The following ASIP variants were observed in gnomAD, a reference collection of about 807,000 sequenced individuals.
ASIP encodes agouti-signaling protein.
A neutral mutation model predicts 10.3 loss-of-function variants in ASIP; 11 were observed. That is an observed-to-expected ratio of 1.07 (90% CI 0.68 to 1.78). The LOEUF is 1.78. Among genes scored for constraint, ASIP ranks in the 40% most tolerant of loss-of-function variants. The pLI, the probability that ASIP is intolerant of heterozygous loss-of-function variation, is 0.00. For synonymous variants in ASIP, 70 were observed against 70.8 expected, an observed-to-expected ratio of 0.99 and a Z score of 0.06; for missense variants, 180 against 169.2, an observed-to-expected ratio of 1.06 and a Z score of -0.35.
chr20:34,203,714 T>A (rs6088425), intron 1 of ASIP, among the ~76,000 whole-genome samples: 15,923 of 152,132 alleles, frequency 0.1, 900 homozygotes, highest in South Asian at 0.18. Flanking sequence ...TGGCGTATTT[T>A]AATTTTATTT....
upstream of ASIP, among the ~76,000 whole-genome samples, chr20:34,191,526 A>G (rs1022490472): frequency 2.0e-5 from 3 of 152,156 alleles, no homozygotes; most frequent in Non-Finnish European, 4.4e-5. Flanking sequence ...CCTCAGCACC[A>G]TGCCTCAAAG....
At chr20:34,245,759 C>T (rs1227998436) in intron 1 of ASIP, among the ~76,000 whole-genome samples, 6 of 151,778 alleles carry the variant, frequency 4.0e-5, no homozygotes, top group Admixed American at 3.9e-4. Context: ...GTTTATTTGA[C>T]TTTGGCAATT....
At chr20:34,260,266 G>C in intron 1 of ASIP, 99 bp from the exon 2 acceptor site, 1 of 1,257,354 alleles carries the variant, frequency 8.0e-7, no homozygotes. Flanking sequence ...TTGCCTAACA[G>C]GGTCACAACA....
chr20:34,252,519 G>A (rs929849181), intron 1 of ASIP, among the ~76,000 whole-genome samples: 1 of 152,140 alleles, frequency 6.6e-6, no homozygotes, highest in Non-Finnish European at 1.5e-5. Flanking sequence ...CTCCCCTCTA[G>A]CCACAGGGCG....
chr20:34,219,432 T>C (rs139696354), intron 1 of ASIP, among the ~76,000 whole-genome samples: 1 of 152,346 alleles, frequency 6.6e-6, no homozygotes, highest in East Asian at 1.9e-4. Context: ...CAGGAGCTAG[T>C]GTATTTGCAA....
intron 1 of ASIP, among the ~76,000 whole-genome samples, chr20:34,249,000 A>G (rs1199298656): frequency 2.0e-5 from 3 of 151,580 alleles, no homozygotes; most frequent in Admixed American, 6.6e-5. Context: ...GTGGTGGCAC[A>G]TGCCTGTAGT....
chr20:34,216,854 A>AT (rs1038705376), intron 1 of ASIP, among the ~76,000 whole-genome samples: 7 of 152,164 alleles, frequency 4.6e-5, no homozygotes, highest in African/African-American at 1.4e-4. Context: ...TTTTTTCAAT[A>AT]TTGTTTTGAT....
intron 1 of ASIP, chr20:34,214,076 C>T (rs2034991996): frequency 8.1e-7 from 1 of 1,240,450 alleles, no homozygotes; most frequent in East Asian, 2.3e-5. Context: ...CCAACTGTCT[C>T]ATAAATAAAA....
intron 1 of ASIP, among the ~76,000 whole-genome samples, chr20:34,248,781 C>T (rs2035422994): frequency 6.6e-6 from 1 of 151,942 alleles, no homozygotes; most frequent in Admixed American, 6.6e-5. Flanking sequence ...GCCTGGGTGA[C>T]AGAGCAAGGC....
At chr20:34,212,428 C>T (rs2034980454) in intron 1 of ASIP, among the ~76,000 whole-genome samples, 1 of 152,000 alleles carries the variant, frequency 6.6e-6, no homozygotes. Context: ...TACATTATGA[C>T]CCTTTTCTAC....
At chr20:34,250,770 C>T (rs1170826097) in intron 1 of ASIP, among the ~76,000 whole-genome samples, 1 of 152,170 alleles carries the variant, frequency 6.6e-6, no homozygotes, top group Admixed American at 6.5e-5. Context: ...TCTCTCACTA[C>T]ACCTCTGTCT....
chr20:34,201,449 G>A (rs953524536), intron 1 of ASIP, among the ~76,000 whole-genome samples: 11 of 152,032 alleles, frequency 7.2e-5, no homozygotes, highest in African/African-American at 2.7e-4. Flanking sequence ...GTTTTTTTGT[G>A]ACTTATCTCA....
chr20:34,198,119 G>A (rs1429911457), intron 1 of ASIP, among the ~76,000 whole-genome samples: 8 of 148,502 alleles, frequency 5.4e-5, no homozygotes, highest in Non-Finnish European at 1.0e-4. Flanking sequence ...GTGCAGTGGC[G>A]TGATCTCAAC....
At chr20:34,223,922 C>CA (rs2035074543) in intron 1 of ASIP, among the ~76,000 whole-genome samples, 2 of 102,200 alleles carry the variant, frequency 2.0e-5, no homozygotes, top group Non-Finnish European at 4.0e-5. Flanking sequence ...ACCTTACCCC[C>CA]AACCCTGTGC....
chr20:34,244,539 C>T (rs1601593471), intron 1 of ASIP, among the ~76,000 whole-genome samples: 1 of 152,104 alleles, frequency 6.6e-6, no homozygotes, highest in Non-Finnish European at 1.5e-5. Context: ...TAAACATATG[C>T]GTAATATTCT....
At chr20:34,195,868 G>A (rs2034852134) in intron 1 of ASIP, among the ~76,000 whole-genome samples, 1 of 151,850 alleles carries the variant, frequency 6.6e-6, no homozygotes, top group East Asian at 1.9e-4. Context: ...CTATTTTACT[G>A]TCCAGCGCAG....
chr20:34,235,840 AGAAGGAAGGAAGGAAGGAAGGAAGGAAAG>A (rs2035182238), intron 1 of ASIP, among the ~76,000 whole-genome samples: 1 of 53,754 alleles, frequency 1.9e-5, no homozygotes, highest in African/African-American at 1.9e-4. Flanking sequence ...AAAGAAAGAA[AGAAGGAAGGAAGGAAGGAAGGAAGGAAAG>A]GAAGGAAGGA....
At chr20:34,248,479 T>A (rs926180234) in intron 1 of ASIP, among the ~76,000 whole-genome samples, 2 of 152,176 alleles carry the variant, frequency 1.3e-5, no homozygotes, top group Non-Finnish European at 1.5e-5. Context: ...GAGGTCAGAT[T>A]TATTCTCAGA....
intron 1 of ASIP, among the ~76,000 whole-genome samples, chr20:34,256,458 AC>A (rs971103398): frequency 6.6e-6 from 1 of 151,988 alleles, no homozygotes; most frequent in African/African-American, 2.4e-5. Context: ...ACCCGATAAC[AC>A]CCGGCTAATT....
Sources: gnomAD v4.1 joint callset for allele counts (sites outside exome capture counted in the v4.1 genomes callset) on GRCh38, gnomAD v4.1.1 for gene constraint, MANE v1.5 for transcripts, NCBI Gene and HGNC (gene_info 2026-07-23, HGNC 2026-07-21) for gene names.